Variants in DMD observed in about 807,000 individuals in gnomAD.
The protein encoded by DMD is mutant dystrophin.
In DMD, 63 loss-of-function variants were observed where a neutral mutation model predicts 330.1. That is an observed-to-expected ratio of 0.19 (90% CI 0.16 to 0.24). DMD has a LOEUF of 0.24. DMD is among the 10% of genes least tolerant of loss of function. The pLI is 1.00. For synonymous variants in DMD, 1,223 were observed against 959.8 expected, an observed-to-expected ratio of 1.27 and a Z score of -5.07; for missense variants, 3,344 against 2,684.1, an observed-to-expected ratio of 1.25 and a Z score of -5.43.
chrX:32,913,098 T>C (rs2087444871), intron 2 of DMD, among the ~76,000 whole-genome samples: 2 of 111,772 alleles, frequency 1.8e-5, no homozygotes, highest in South Asian at 3.8e-4. Context: ...TTAATAATCA[T>C]AGCAGATCAG....
chrX:33,064,296 G>T (rs1286494063), intron 1 of DMD, among the ~76,000 whole-genome samples: 1 of 110,118 alleles, frequency 9.1e-6, no homozygotes, highest in Non-Finnish European at 1.9e-5. Context: ...GTAAGAAAAA[G>T]AAATAAACAT....
chrX:32,725,033 TAATA>T (rs1014196319), intron 7 of DMD, among the ~76,000 whole-genome samples: 1 of 111,612 alleles, frequency 9.0e-6, no homozygotes, highest in Non-Finnish European at 1.9e-5. Context: ...AGATAGTACT[TAATA>T]AATAGTCATT....
intron 24 of DMD, 48 bp from the exon 25 acceptor site, chrX:32,463,642 A>G (rs754627614): frequency 9.7e-7 from 1 of 1,029,372 alleles, no homozygotes; most frequent in South Asian, 2.8e-5. Context: ...TTACTGCCAC[A>G]TATTAGATAT....
intron 47 of DMD, among the ~76,000 whole-genome samples, chrX:31,882,615 G>T (rs1295423694): frequency 2.7e-5 from 3 of 111,705 alleles, no homozygotes; most frequent in Non-Finnish European, 5.7e-5. Context: ...AAAGATATTC[G>T]CAATGCATAG....
At chrX:32,734,494 A>C (rs1340940351) in intron 7 of DMD, among the ~76,000 whole-genome samples, 1 of 107,827 alleles carries the variant, frequency 9.3e-6, no homozygotes, top group Admixed American at 9.9e-5. Flanking sequence ...TCCTTGATGA[A>C]CACTGATGCA....
chrX:32,734,586 C>A (rs1244495881), intron 7 of DMD, among the ~76,000 whole-genome samples: 9 of 103,376 alleles, frequency 8.7e-5, no homozygotes, highest in African/African-American at 3.3e-4. Context: ...GGGCTTCATC[C>A]CTGGGATGCA....
intron 9 of DMD, among the ~76,000 whole-genome samples, chrX:32,688,775 C>T (rs5928070): frequency 0.47 from 51,581 of 110,357 alleles, 11,613 homozygotes; most frequent in African/African-American, 0.89. Flanking sequence ...TAATGTTCTT[C>T]GAAAAGTTTA....
intron 59 of DMD, among the ~76,000 whole-genome samples, chrX:31,455,760 A>G (rs1238162993): frequency 8.9e-6 from 1 of 112,435 alleles, no homozygotes; most frequent in Non-Finnish European, 1.9e-5. Context: ...AGTGGGAAAA[A>G]AAGAGGAAGT....
At chrX:32,851,624 A>G (rs577437456) in intron 2 of DMD, among the ~76,000 whole-genome samples, 16 of 112,729 alleles carry the variant, frequency 1.4e-4, no homozygotes, top group African/African-American at 5.2e-4. Flanking sequence ...CTTGATTTTA[A>G]TATCATATCA....
In DMD at chrX:32,495,673, C is replaced by T. The variant is rs62592471; in HGVS notation, c.2381-4155G>A. ...TTCTAGAATGAAAAAGGGTTCAAAG[C>T]GTTATCCAAGTAAATATTTGCATAT... On this transcript the variant is annotated intron_variant, in intron 19 of 78. Transcript: ENST00000357033. 5.1e-3 allele frequency among the ~76,000 whole-genome samples: 564 copies of T among 111,605 alleles called. 2 individuals carry two copies. The highest frequency in any genetic ancestry group is 0.019 in the Middle Eastern group (4 of 209).
chrX:32,201,477 C>A (rs904378363), intron 44 of DMD, among the ~76,000 whole-genome samples: 8 of 94,843 alleles, frequency 8.4e-5, no homozygotes, highest in Non-Finnish European at 1.3e-4. Context: ...ACACCCCCCC[C>A]CCCCCCAACA....
At chrX:31,843,461 G>A (rs2093353477) in intron 48 of DMD, among the ~76,000 whole-genome samples, 1 of 111,963 alleles carries the variant, frequency 8.9e-6, no homozygotes, top group Non-Finnish European at 1.9e-5. Context: ...TTTCTCTAAT[G>A]ATGAGTGATG....
rs187389954 is a variant in DMD at position 31,990,208 on chromosome X, G to A, written c.6439-21694C>T. Among the ~76,000 whole-genome samples the A allele has an allele frequency of 4.1e-4, 46 of 112,040 alleles. No homozygotes were observed. In the East Asian group the frequency reaches 9.8e-3, roughly 24 times the overall value. ...CAAGAAACTATTTTTCAAAGTCTTC[G>A]ACATTTTTACTTTTTTTCAACTAAA... On this transcript the variant is annotated intron_variant, in intron 44 of 78. Transcript: ENST00000357033.
chrX:32,015,156 G>A (rs1052602664), intron 44 of DMD, among the ~76,000 whole-genome samples: 1 of 111,535 alleles, frequency 9.0e-6, no homozygotes, highest in Non-Finnish European at 1.9e-5. Flanking sequence ...TGTGATCTGG[G>A]CCCGGAATAG....
At chrX:31,123,468 T>C (rs1375217430) in intron 78 of DMD, among the ~76,000 whole-genome samples, 3 of 112,330 alleles carry the variant, frequency 2.7e-5, no homozygotes, top group Non-Finnish European at 5.6e-5. Flanking sequence ...TTTGGCTTTC[T>C]GTGCCATAAA....
chrX:32,616,709 TTTTTTTCTTTA>T lies in DMD; in HGVS notation c.1332-2267_1332-2257del, dbSNP rs2057600810. Among the ~76,000 whole-genome samples the T allele has an allele frequency of 3.4e-5, 3 of 87,751 alleles. No homozygotes were observed. In the Admixed American group the frequency reaches 3.5e-4, roughly 10 times the overall value. The allele number at this position is 87,751 out of a possible 115,157, so 76.2% of individuals were successfully genotyped here. A position where few individuals can be genotyped will look rare whatever the true frequency, so the allele number is the denominator to read the frequency against. ...TGGTTCCTTTTTTTTTTTTTTTTTT[TTTTTTTCTTTA>T]AAGAATGTTACTGAAACCCAAGATC... On this transcript the variant is annotated intron_variant, in intron 11 of 78. Transcript: ENST00000357033.
At chrX:32,737,679 A>G (rs1367940146) in intron 7 of DMD, among the ~76,000 whole-genome samples, 1 of 111,973 alleles carries the variant, frequency 8.9e-6, no homozygotes, top group Non-Finnish European at 1.9e-5. Context: ...TCACTAAATC[A>G]GTTGATGCTG....
intron 45 of DMD, among the ~76,000 whole-genome samples, chrX:31,956,859 C>A (rs751932764): frequency 8.9e-6 from 1 of 112,411 alleles, no homozygotes; most frequent in East Asian, 2.8e-4. Flanking sequence ...AATCTGAATG[C>A]CCTGATTATG....
intron 44 of DMD, among the ~76,000 whole-genome samples, chrX:32,202,695 G>A (rs957271933): frequency 6.3e-5 from 7 of 111,866 alleles, no homozygotes; most frequent in South Asian, 3.8e-4. Context: ...ACCTTCAGAT[G>A]GATGCTAAAG....
Sources: allele counts gnomAD v4.1 joint callset (sites outside exome capture counted in the v4.1 genomes callset), GRCh38; gene constraint gnomAD v4.1.1; transcripts MANE v1.5; gene names NCBI Gene and HGNC (gene_info 2026-07-23, HGNC 2026-07-21).